The following MSI2 variants were observed in gnomAD, a reference collection of about 807,000 sequenced individuals.
MSI2 encodes musashi RNA binding protein 2.
Under a neutral mutation model 45.6 loss-of-function variants are expected in MSI2, and 17 were observed. The observed-to-expected ratio is 0.37, with a 90% confidence interval of 0.26 to 0.56. The LOEUF (loss-of-function observed/expected upper bound fraction) is 0.56, where lower values mean the gene tolerates loss of function less well. Among genes scored for constraint, MSI2 ranks in the 20% least tolerant of loss-of-function variants. MSI2 has a pLI of 0.77. For synonymous variants in MSI2, 156 were observed against 158.2 expected (o/e 0.99, Z 0.11); for missense variants, 293 against 444.2 (o/e 0.66, Z 3.06).
At chr17:57,358,198 T>G (rs984798639) in intron 5 of MSI2, among the ~76,000 whole-genome samples, 56 of 147,632 alleles carry the variant, frequency 3.8e-4, no homozygotes, top group African/African-American at 1.0e-3. Context: ...TCTGTGTGTG[T>G]GGGGGGGTGT....
At chr17:57,438,226 G>A (rs1296075703) in intron 6 of MSI2, among the ~76,000 whole-genome samples, 1 of 152,088 alleles carries the variant, frequency 6.6e-6, no homozygotes, top group Non-Finnish European at 1.5e-5. Context: ...GCAGGATGGG[G>A]TCCCCACAGC....
chr17:57,618,974 G>C (rs1908014102), intron 9 of MSI2, among the ~76,000 whole-genome samples: 1 of 152,224 alleles, frequency 6.6e-6, no homozygotes, highest in South Asian at 2.1e-4. Context: ...TAAAATGGAA[G>C]ACCTTCAGGA....
chr17:57,509,348 G>A (rs995260466), intron 6 of MSI2, among the ~76,000 whole-genome samples: 3 of 152,174 alleles, frequency 2.0e-5, no homozygotes, highest in Non-Finnish European at 4.4e-5. Flanking sequence ...ATTTGTGTGC[G>A]TTATGCCGCC....
chr17:57,517,143 C>G (rs940708439), intron 6 of MSI2, among the ~76,000 whole-genome samples: 1 of 152,186 alleles, frequency 6.6e-6, no homozygotes, highest in Non-Finnish European at 1.5e-5. Flanking sequence ...GTAGTTCAGA[C>G]CTTCCCTCAT....
At chr17:57,476,891 C>T (rs146971220) in intron 6 of MSI2, among the ~76,000 whole-genome samples, 13 of 152,118 alleles carry the variant, frequency 8.5e-5, no homozygotes, top group Non-Finnish European at 1.2e-4. Flanking sequence ...AGTCCCCATG[C>T]CCCAACCCAT....
chr17:57,590,906 A>C (rs1025607962), intron 7 of MSI2, among the ~76,000 whole-genome samples: 3 of 152,164 alleles, frequency 2.0e-5, no homozygotes, highest in African/African-American at 7.2e-5. Flanking sequence ...AGTGAGTTTA[A>C]ATACCCAGGG....
rs542791968 is a variant in MSI2 at position 57,573,221 on chromosome 17, T to C, written c.455-23647T>C. On this transcript the variant is annotated intron_variant, in intron 7 of 13. Coordinates refer to ENST00000284073, the MANE Select transcript of MSI2 (RefSeq NM_138962.4). ...TTACATTTATATTTCCCAAATGCAT[T>C]GATCCCTATAATGACCTTGAAAAGC... 1.6e-4 allele frequency among the ~76,000 whole-genome samples: 24 copies of C among 152,364 alleles called. 1 individual carries two copies. In the South Asian group the frequency reaches 4.6e-3, roughly 29 times the overall value.
At chr17:57,643,185 G>T (rs918129633) in intron 10 of MSI2, among the ~76,000 whole-genome samples, 1 of 152,176 alleles carries the variant, frequency 6.6e-6, no homozygotes, top group African/African-American at 2.4e-5. Context: ...TGGAAGAGGG[G>T]AGGCAGGAGG....
chr17:57,698,158 G>A, the MSI2 span, among the ~76,000 whole-genome samples: 1 of 152,126 alleles, frequency 6.6e-6, no homozygotes, highest in South Asian at 2.1e-4. Context: ...AAATCGACAG[G>A]CACTGGACCA....
At chr17:57,649,224 AATAC>A (rs1321011925) in intron 10 of MSI2, among the ~76,000 whole-genome samples, 3 of 151,988 alleles carry the variant, frequency 2.0e-5, no homozygotes, top group South Asian at 2.1e-4. Flanking sequence ...ACACACACCC[AATAC>A]ATACATACAC....
At chr17:57,386,376 A>T (rs35290036) in intron 5 of MSI2, among the ~76,000 whole-genome samples, 18,251 of 152,064 alleles carry the variant, frequency 0.12, 1,257 homozygotes, top group Non-Finnish European at 0.16. Flanking sequence ...GTTTGGGATT[A>T]CCTGAGGGGA....
intron 6 of MSI2, among the ~76,000 whole-genome samples, chr17:57,460,222 G>T (rs141877628): frequency 2.8e-4 from 42 of 152,228 alleles, no homozygotes; most frequent in African/African-American, 9.9e-4. Flanking sequence ...TACTTGGGAA[G>T]CTGAGGCAGG....
Position 57,627,047 on chromosome 17 carries a change from A to G in MSI2, c.653-182A>G. 1 of 623,242 alleles carries G rather than the reference A, an allele frequency of 1.6e-6. No individual in the cohort carries two copies. The highest frequency in any genetic ancestry group is 2.9e-6 in the Non-Finnish European group (1 of 348,442). The allele number at this position is 623,242 out of a possible 1,614,324, so 38.6% of individuals were successfully genotyped here. A position where few individuals can be genotyped will look rare whatever the true frequency, so the allele number is the denominator to read the frequency against. On this transcript the variant is annotated intron_variant, in intron 9 of 13. Coordinates refer to ENST00000284073, the MANE Select transcript of MSI2 (RefSeq NM_138962.4). The surrounding 1 kb of genome is among the most constrained non-coding windows in gnomAD (Gnocchi z 4.6). ...GGGTTAATTAGCAACAGCTGACAGC[A>G]GCGCCCCCGGCCACAGGAGAGAGGT...
At chr17:57,480,039 G>T (rs558661327) in intron 6 of MSI2, among the ~76,000 whole-genome samples, 1 of 152,080 alleles carries the variant, frequency 6.6e-6, no homozygotes, top group Non-Finnish European at 1.5e-5. Context: ...GTGCAGTGGC[G>T]CAGTCTCAGC....
intron 6 of MSI2, among the ~76,000 whole-genome samples, chr17:57,458,796 G>T (rs939458622): frequency 2.0e-5 from 3 of 152,182 alleles, no homozygotes; most frequent in African/African-American, 7.2e-5. Context: ...GATACAGGTG[G>T]GACACAGGCT....
chr17:57,663,222 C>T (rs948354936), intron 11 of MSI2, among the ~76,000 whole-genome samples: 3 of 152,190 alleles, frequency 2.0e-5, no homozygotes, highest in Admixed American at 2.0e-4. Context: ...GGCCAATCAT[C>T]CTGCAGGGAG....
chr17:57,635,768 G>A (rs1909787787), intron 10 of MSI2, among the ~76,000 whole-genome samples: 1 of 152,246 alleles, frequency 6.6e-6, no homozygotes, highest in Admixed American at 6.5e-5. Flanking sequence ...TTGCTCTCGG[G>A]TCCTGATGCT....
chr17:57,292,566 A>G (rs1910516001), intron 5 of MSI2, among the ~76,000 whole-genome samples: 1 of 150,578 alleles, frequency 6.6e-6, no homozygotes. Flanking sequence ...GCTTGTTAGA[A>G]ATGGAGGTTG....
chr17:57,414,706 T>G (rs2084262067), intron 6 of MSI2, among the ~76,000 whole-genome samples: 1 of 152,148 alleles, frequency 6.6e-6, no homozygotes, highest in African/African-American at 2.4e-5. Context: ...AGCCAGGATT[T>G]TTCTTTTTAA....
Sources: gnomAD v4.1 joint callset for allele counts (sites outside exome capture counted in the v4.1 genomes callset) on GRCh38, gnomAD v4.1.1 for gene constraint, Gnocchi (gnomAD v3.1) non-coding constraint, MANE v1.5 for transcripts, NCBI Gene and HGNC (gene_info 2026-07-23, HGNC 2026-07-21) for gene names.